GFRA2: variants seen among roughly 807,000 people sequenced by gnomAD.
GFRA2 encodes the protein GDNF family receptor alpha 2.
Under a neutral mutation model 48.3 loss-of-function variants are expected in GFRA2, and 17 were observed. The observed-to-expected ratio is 0.35, with a 90% CI of 0.24 to 0.53. GFRA2 has a LOEUF of 0.53. Among genes scored for constraint, GFRA2 ranks in the 20% least tolerant of loss-of-function variants. The pLI is 0.93. For missense variants in GFRA2, 660 were observed against 637.3 expected (o/e 1.04, Z -0.38); for synonymous variants, 305 against 257.2 (o/e 1.19, Z -1.78).
chr8:21,795,736 A>G (rs1807662407), intron 2 of GFRA2, among the ~76,000 whole-genome samples: 1 of 152,176 alleles, frequency 6.6e-6, no homozygotes, highest in African/African-American at 2.4e-5. Flanking sequence ...TGACATGACC[A>G]AGGTTACAAC....
intron 4 of GFRA2, among the ~76,000 whole-genome samples, chr8:21,745,876 A>G (rs1419611761): frequency 2.0e-5 from 3 of 152,170 alleles, no homozygotes; most frequent in Admixed American, 6.5e-5. Context: ...ACCTGCTCCC[A>G]CACCATCCAC....
At chr8:21,728,274 T>TTG (rs1803989146) in intron 4 of GFRA2, among the ~76,000 whole-genome samples, 1 of 135,478 alleles carries the variant, frequency 7.4e-6, no homozygotes, top group Admixed American at 7.4e-5. Context: ...GGTTTTTTTT[T>TTG]TTTTTTTTTT....
At chr8:21,693,596 G>A (rs1209156065) in intron 8 of GFRA2, among the ~76,000 whole-genome samples, 196 bp from the exon 9 acceptor site, 1 of 152,036 alleles carries the variant, frequency 6.6e-6, no homozygotes, top group Non-Finnish European at 1.5e-5. Context: ...CCAGGCAGGA[G>A]CAGAAGGGAA....
rs748043657 is a variant in GFRA2 at position 21,693,280 on chromosome 8, A to G, written c.1393T>C (p.Ter465GlnextTer10). 2 of 1,610,966 alleles carry G rather than the reference A, an allele frequency of 1.2e-6. No individual in the cohort carries two copies. Among genetic ancestry groups the G allele is most frequent in the Admixed American group, 1.7e-5 (1 of 59,536 alleles). The change falls in exon 9 of 9, where the codon TAG becomes CAG. Residue 465 changes from the stop codon to glutamine (Q), a stop_lost. Transcript: ENST00000524240. ...LSVLMLKLAL[*>Q] ...TATTCTGACTCGGTTCCCACAGCCTACAAGGCCAGTTTCAGCATCAGGACA... is the reference window on the plus strand; with the variant it reads ...TATTCTGACTCGGTTCCCACAGCCTGCAAGGCCAGTTTCAGCATCAGGACA...
chr8:21,712,979 C>T (rs1803138041), intron 4 of GFRA2, among the ~76,000 whole-genome samples: 1 of 146,464 alleles, frequency 6.8e-6, no homozygotes, highest in African/African-American at 2.5e-5. Flanking sequence ...TTCGGCTCGG[C>T]ATCAGAGGGA....
chr8:21,706,061 G>T lies in GFRA2; in HGVS notation c.795-20C>A. ...CGGGACCTGGTGGTGGGTAGAAGAC[G>T]CAATAGAGAAAACAGGGGTTCAGTC... On this transcript the variant is annotated intron_variant, in intron 4 of 8. Transcript: ENST00000524240. The T allele has an allele frequency of 6.7e-7, 1 of 1,492,976 alleles. No homozygotes were observed. The highest frequency in any genetic ancestry group is 9.1e-7 in the Non-Finnish European group (1 of 1,092,968). The allele number at this position is 1,492,976 out of a possible 1,614,324, so 92.5% of individuals were successfully genotyped here.
At chr8:21,746,036 G>A (rs572747986) in intron 4 of GFRA2, among the ~76,000 whole-genome samples, 4 of 152,284 alleles carry the variant, frequency 2.6e-5, no homozygotes, top group South Asian at 4.1e-4. Flanking sequence ...GTAAGACCTC[G>A]GGGTCCCTAC....
chr8:21,788,922 T>C, upstream of GFRA2: 1 of 459,548 alleles, frequency 2.2e-6, no homozygotes, highest in Non-Finnish European at 2.9e-6. Flanking sequence ...TCCCTGCTCC[T>C]CCCTCCGCCC....
chr8:21,788,478 C>G lies in GFRA2; in HGVS notation c.-319G>C. 10 of 1,096,772 alleles carry G rather than the reference C, an allele frequency of 9.1e-6. No homozygotes were observed. Among genetic ancestry groups the G allele is most frequent in the Non-Finnish European group, 1.1e-5 (10 of 902,944 alleles). 67.9% of individuals were successfully genotyped at this position (1,096,772 alleles called of 1,614,324 possible). On this transcript the variant is annotated 5_prime_UTR_variant, in exon 1 of 9. Transcript: ENST00000524240. ...GGGTCAGCCCTCCCCTCCAATCGTC[C>G]GGGAAGGCGTGAGTCCCCGCGGGTC... is the stretch of plus-strand genomic sequence containing the variant.
chr8:21,759,472 G>GGGAAAGAA lies in GFRA2; in HGVS notation c.440-8538_440-8531dup, dbSNP rs1157670304. ...AGGGAGAGAGGGAGGGAGGGAGGGA[G>GGGAAAGAA]GGAAAGAAGGAAAGAAGGAAGGAAG... On this transcript the variant is annotated intron_variant, in intron 3 of 8. Coordinates refer to ENST00000524240, the MANE Select transcript of GFRA2 (RefSeq NM_001495.5). 3.0e-3 allele frequency among the ~76,000 whole-genome samples: 321 copies of GGGAAAGAA among 107,010 alleles called. 3 individuals are homozygous for GGGAAAGAA. Among genetic ancestry groups the GGGAAAGAA allele is most frequent in the African/African-American group, 0.011 (304 of 26,518 alleles). The allele number at this position is 107,010 out of a possible 152,430, so 70.2% of individuals were successfully genotyped here.
chr8:21,743,749 G>A (rs1804864075), intron 4 of GFRA2, among the ~76,000 whole-genome samples: 1 of 152,202 alleles, frequency 6.6e-6, no homozygotes, highest in Non-Finnish European at 1.5e-5. Flanking sequence ...TCCTATGCCT[G>A]TGGCAGGCAT....
At chr8:21,779,249 G>C (rs376308414) in intron 2 of GFRA2, among the ~76,000 whole-genome samples, 29 of 152,288 alleles carry the variant, frequency 1.9e-4, no homozygotes, top group African/African-American at 6.7e-4. Context: ...AGGCACTCCC[G>C]ATCAAGGGGC....
chr8:21,754,651 C>T (rs1039684018), intron 3 of GFRA2, among the ~76,000 whole-genome samples: 4 of 151,838 alleles, frequency 2.6e-5, no homozygotes, highest in Admixed American at 1.3e-4. Flanking sequence ...TTGGATTACA[C>T]GGACCTGCCA....
chr8:21,739,383 A>G (rs1416332091), intron 4 of GFRA2, among the ~76,000 whole-genome samples: 1 of 151,944 alleles, frequency 6.6e-6, no homozygotes, highest in East Asian at 1.9e-4. Context: ...TAACAAAGCA[A>G]CTCACCCTAA....
chr8:21,728,721 T>C (rs754055070), intron 4 of GFRA2, among the ~76,000 whole-genome samples: 3 of 152,210 alleles, frequency 2.0e-5, no homozygotes, highest in Non-Finnish European at 2.9e-5. Context: ...TCATAAGCCA[T>C]GTGACCTTGG....
intron 2 of GFRA2, among the ~76,000 whole-genome samples, chr8:21,804,074 A>G (rs1807815417): frequency 6.6e-6 from 1 of 152,218 alleles, no homozygotes; most frequent in Admixed American, 6.5e-5. Context: ...TCTTCAACTC[A>G]TAACATATCA....
intron 4 of GFRA2, among the ~76,000 whole-genome samples, chr8:21,730,140 C>T (rs1380426071): frequency 2.0e-5 from 3 of 152,016 alleles, no homozygotes; most frequent in East Asian, 3.9e-4. Context: ...CGCGGTGGCT[C>T]GCACTTGTAA....
In GFRA2 at chr8:21,800,787, G is replaced by A. The variant is rs1010563719; in HGVS notation, c.-36+4230C>T. 3.2e-3 allele frequency among the ~76,000 whole-genome samples: 491 copies of A among 152,264 alleles called. 3 individuals are homozygous for A. The highest frequency in any genetic ancestry group is 0.011 in the African/African-American group (469 of 41,550). Reference sequence around the variant, plus strand: ...ACAAATAAAAAATAATTAGCCAGGCGTGGTGTTGTACACCAGTAGTCTCAG... The same window carrying A: ...ACAAATAAAAAATAATTAGCCAGGCATGGTGTTGTACACCAGTAGTCTCAG... On this transcript the variant is annotated intron_variant, in intron 2 of 10. Coordinates refer to the GFRA2 transcript ENST00000517328.
intron 3 of GFRA2, among the ~76,000 whole-genome samples, chr8:21,758,888 GCA>G (rs147529943): frequency 6.0e-5 from 9 of 149,962 alleles, no homozygotes; most frequent in Middle Eastern, 3.5e-3. Context: ...ACACCGAGGT[GCA>G]CACACACACA....
Sources: gnomAD v4.1 joint callset for allele counts (sites outside exome capture counted in the v4.1 genomes callset) on GRCh38, gnomAD v4.1.1 for gene constraint, MANE v1.5 for transcripts, NCBI Gene and HGNC (gene_info 2026-07-23, HGNC 2026-07-21) for gene names.